Variants in PDE1C observed in about 807,000 individuals in gnomAD.
PDE1C encodes phosphodiesterase 1C, also known as dual specificity calcium/calmodulin-dependent 3',5'-cyclic nucleotide phosphodiesterase 1C.
PDE1C carries 62 observed loss-of-function variants against 93.1 expected under a neutral mutation model. The observed-to-expected ratio is 0.67, with a 90% CI of 0.54 to 0.82. PDE1C has a LOEUF of 0.82. Among genes scored for constraint, PDE1C ranks in the 40% least tolerant of loss-of-function variants. The probability of loss-of-function intolerance (pLI) is 0.00; values close to 1 mark genes in which losing one functional copy is unlikely to be tolerated. For synonymous variants in PDE1C, 325 were observed against 310.1 expected, an observed-to-expected ratio of 1.05 and a Z score of -0.50; for missense variants, 742 against 884.6, an observed-to-expected ratio of 0.84 and a Z score of 2.04.
chr7:32,162,014 C>G (rs1801956036), intron 3 of PDE1C, among the ~76,000 whole-genome samples: 1 of 152,064 alleles, frequency 6.6e-6, no homozygotes, highest in Admixed American at 6.5e-5. Flanking sequence ...AGAGACAAGC[C>G]CACTGGCTAG....
intron 2 of PDE1C, among the ~76,000 whole-genome samples, chr7:32,008,249 TCCATGTCCACCTAGTTTCTG>T (rs1189013258): frequency 6.6e-6 from 1 of 152,190 alleles, no homozygotes; most frequent in Non-Finnish European, 1.5e-5. Context: ...GGTATTTTAT[TCCATGTCCACCTAGTTTCTG>T]CCTCTTGACT....
intron 17 of PDE1C, among the ~76,000 whole-genome samples, chr7:31,762,772 T>C (rs1794915290): frequency 6.6e-6 from 1 of 152,158 alleles, no homozygotes; most frequent in East Asian, 1.9e-4. Context: ...AAGCTTGCAG[T>C]CTGAGAAGCT....
intron 1 of PDE1C, among the ~76,000 whole-genome samples, chr7:32,384,486 G>T (rs984475707): frequency 1.3e-5 from 2 of 152,160 alleles, no homozygotes; most frequent in Non-Finnish European, 2.9e-5. Flanking sequence ...CCTTTAGAAA[G>T]AAATGTCTCA....
At chr7:31,672,594 C>G in the PDE1C span, among the ~76,000 whole-genome samples, 1 of 150,768 alleles carries the variant, frequency 6.6e-6, no homozygotes, top group African/African-American at 2.4e-5. Flanking sequence ...ATTGTATATT[C>G]AAATTATTTG....
chr7:31,957,377 C>T (rs1027037080), intron 2 of PDE1C, among the ~76,000 whole-genome samples: 1 of 152,020 alleles, frequency 6.6e-6, no homozygotes, highest in Non-Finnish European at 1.5e-5. Flanking sequence ...TCAACAGTTT[C>T]CATGTAGTCC....
At chr7:31,654,306 G>A in the PDE1C span, among the ~76,000 whole-genome samples, 1 of 152,174 alleles carries the variant, frequency 6.6e-6, no homozygotes, top group Non-Finnish European at 1.5e-5. Context: ...GCCCCCAGAT[G>A]TAGAGATAGC....
At chr7:31,625,699 C>T in the PDE1C span, among the ~76,000 whole-genome samples, 2 of 151,890 alleles carry the variant, frequency 1.3e-5, no homozygotes, top group African/African-American at 2.4e-5. Context: ...GTGCAGCGCA[C>T]CAACATGTCA....
At chr7:32,310,276 A>G (rs1287170985) in intron 1 of PDE1C, among the ~76,000 whole-genome samples, 5 of 151,916 alleles carry the variant, frequency 3.3e-5, no homozygotes, top group Admixed American at 2.0e-4. Context: ...CTACAAAGAG[A>G]CTTAGACTCC....
intron 2 of PDE1C, among the ~76,000 whole-genome samples, chr7:32,019,532 G>A (rs796848784): frequency 3.9e-5 from 6 of 152,272 alleles, no homozygotes; most frequent in African/African-American, 1.4e-4. Context: ...TAACATTCAT[G>A]TTTTAGAAAG....
chr7:32,021,753 G>C (rs543294021), intron 2 of PDE1C, among the ~76,000 whole-genome samples: 1 of 151,920 alleles, frequency 6.6e-6, no homozygotes, highest in Non-Finnish European at 1.5e-5. Flanking sequence ...TCCACAGGTA[G>C]ACAATAATTT....
At chr7:32,290,201 AC>A (rs1318333068) in intron 1 of PDE1C, among the ~76,000 whole-genome samples, 1 of 152,148 alleles carries the variant, frequency 6.6e-6, no homozygotes, top group African/African-American at 2.4e-5. Flanking sequence ...AGCTGGAAGC[AC>A]CCGGCTTGGC....
In PDE1C at chr7:32,076,650, AAAAAAAAG is replaced by A. The variant is rs1194803753; in HGVS notation, c.308+93127_308+93134del. Among the ~76,000 whole-genome samples, 318 of 130,472 alleles carry A rather than the reference AAAAAAAAG, an allele frequency of 2.4e-3. 1 individual carries two copies. Among genetic ancestry groups the A allele is most frequent in the African/African-American group, 8.6e-3 (298 of 34,590 alleles). 85.6% of individuals were successfully genotyped at this position (130,472 alleles called of 152,430 possible). On this transcript the variant is annotated intron_variant, in intron 3 of 18. Coordinates refer to the PDE1C transcript ENST00000396193. ...AGAGTGAGACTCCATCTCAAAAAAA[AAAAAAAAG>A]AAAAAAAGAAAAAAGAAAAAAAAAT...
At chr7:31,852,855 G>GTTT (rs70989613) in intron 7 of PDE1C, among the ~76,000 whole-genome samples, 1 of 151,302 alleles carries the variant, frequency 6.6e-6, no homozygotes, top group African/African-American at 2.4e-5. Context: ...TACATATGCA[G>GTTT]TTTTTTTTCC....
chr7:31,694,946 A>G, the PDE1C span, among the ~76,000 whole-genome samples: 3 of 152,206 alleles, frequency 2.0e-5, no homozygotes, highest in Admixed American at 2.0e-4. Context: ...AACGGTGAAA[A>G]GACAAATACA....
intron 15 of PDE1C, among the ~76,000 whole-genome samples, chr7:31,811,119 A>G (rs868365192): frequency 2.0e-5 from 3 of 152,102 alleles, no homozygotes; most frequent in Middle Eastern, 3.2e-3. Flanking sequence ...GAATTGAATC[A>G]TGGGGGCAGT....
At chr7:32,376,910 A>G (rs1784442145) in intron 1 of PDE1C, among the ~76,000 whole-genome samples, 1 of 151,934 alleles carries the variant, frequency 6.6e-6, no homozygotes, top group African/African-American at 2.4e-5. Context: ...GATGGTCTCG[A>G]TCTCCTGACC....
At chr7:32,401,160 T>TTATG (rs778355309) in intron 1 of PDE1C, among the ~76,000 whole-genome samples, 6 of 152,338 alleles carry the variant, frequency 3.9e-5, no homozygotes, top group East Asian at 3.9e-4. Context: ...CCAATGTATT[T>TTATG]TATGTATGTA....
At chr7:32,146,777 A>G (rs909846124) in intron 3 of PDE1C, among the ~76,000 whole-genome samples, 3 of 152,208 alleles carry the variant, frequency 2.0e-5, no homozygotes, top group African/African-American at 7.2e-5. Context: ...CAAAATATGA[A>G]GCGAATAAGG....
rs199713125 is a variant in PDE1C, at chr7:32,295,886, T to C, written c.85+2765A>G. Among the ~76,000 whole-genome samples the C allele has an allele frequency of 2.6e-3, 251 of 94,728 alleles. 5 individuals carry two copies. Among genetic ancestry groups the C allele is most frequent in the Admixed American group, 0.02 (141 of 7,144 alleles). The allele number at this position is 94,728 out of a possible 152,430, so 62.1% of individuals were successfully genotyped here. The stretch of plus-strand genomic sequence containing the variant: ...TCCAGCCCGGGTGAGAGAGCGAGAC[T>C]CTGTCTCAAAAAAAAAAAAAAAAAA... On this transcript the variant is annotated intron_variant, in intron 1 of 18. Transcript: ENST00000396193.
Sources: allele counts gnomAD v4.1 joint callset (sites outside exome capture counted in the v4.1 genomes callset), GRCh38; gene constraint gnomAD v4.1.1; transcripts MANE v1.5; gene names NCBI Gene and HGNC (gene_info 2026-07-23, HGNC 2026-07-21).